The following PCDHA4 variants were observed in gnomAD, a reference collection of about 807,000 sequenced individuals.
The protein encoded by PCDHA4 is protocadherin alpha 4, also known as protocadherin alpha-4.
PCDHA4 carries 49 observed loss-of-function variants against 61.4 expected under a neutral mutation model. The observed-to-expected ratio is 0.80, with a 90% CI of 0.63 to 1.01. The LOEUF (loss-of-function observed/expected upper bound fraction) is 1.01. PCDHA4 is among the 50% of genes least tolerant of loss of function. PCDHA4 has a pLI of 0.00. For missense variants in PCDHA4, 1,254 were observed against 1,235.8 expected (o/e 1.01, Z -0.22); for synonymous variants, 590 against 550.3 (o/e 1.07, Z -1.01).
intron 1 of PCDHA4, chr5:140,822,761 T>C: frequency 6.2e-7 from 1 of 1,613,988 alleles, no homozygotes; most frequent in Non-Finnish European, 8.5e-7. Flanking sequence ...ACATTCCCAT[T>C]ATCAGGACAC....
intron 1 of PCDHA4, chr5:140,816,943 G>C (rs1258543587): frequency 1.3e-5 from 2 of 152,118 alleles, no homozygotes; most frequent in Non-Finnish European, 1.5e-5. Context: ...AGTGCCTGGA[G>C]TCAAGTGAGA....
At chr5:140,856,781 G>C in intron 1 of PCDHA4, 1 of 1,596,356 alleles carries the variant, frequency 6.3e-7, no homozygotes, top group South Asian at 1.1e-5. Context: ...TGACAGACCG[G>C]TTTATGAAGT....
intron 1 of PCDHA4, chr5:140,857,907 C>G (rs1250345336): frequency 1.3e-6 from 2 of 1,597,680 alleles, no homozygotes. Flanking sequence ...GCACGCATCC[C>G]GTTTCGCGTG....
At chr5:140,946,447 A>G (rs1206019841) in intron 1 of PCDHA4, among the ~76,000 whole-genome samples, 6 of 151,544 alleles carry the variant, frequency 4.0e-5, no homozygotes, top group Non-Finnish European at 7.4e-5. Context: ...AGACTAAAAC[A>G]ACTATCCAGC....
In PCDHA4 at chr5:140,848,468, C is replaced by G. The variant is rs983897735; in HGVS notation, c.2385+38896C>G. 7.1e-6 allele frequency: 11 copies of G among 1,547,824 alleles called. 2 individuals are homozygous for G. Among genetic ancestry groups the G allele is most frequent in the Non-Finnish European group, 9.6e-6 (11 of 1,140,172 alleles). On this transcript the variant is annotated intron_variant, in intron 1 of 3. Transcript: ENST00000530339. The stretch of plus-strand genomic sequence containing the variant: ...TCTTCTAATTTGGAGGCAATTTTCA[C>G]TAATTAGAAGAAGACTGAGTATTTG...
intron 1 of PCDHA4, among the ~76,000 whole-genome samples, chr5:140,820,804 T>A (rs1374149059): frequency 6.6e-6 from 1 of 152,102 alleles, no homozygotes; most frequent in Non-Finnish European, 1.5e-5. Flanking sequence ...GTATGTATTT[T>A]ACAATTTTTA....
rs782403008 is a variant in PCDHA4 at position 140,877,235 on chromosome 5, G to A, written c.2385+67663G>A. ...TTGGTACCGCGGTCGGTGGGTGCGGGCCACGTGGTGGCGAAAGTGCGCGCG... is the reference window on the plus strand; with the variant it reads ...TTGGTACCGCGGTCGGTGGGTGCGGACCACGTGGTGGCGAAAGTGCGCGCG... On this transcript the variant is annotated intron_variant, in intron 1 of 3. Transcript: ENST00000530339. 49 of 1,613,570 alleles carry A rather than the reference G, an allele frequency of 3.0e-5. No homozygotes were observed. In the South Asian group the frequency reaches 5.1e-4, roughly 17 times the overall value.
At position 140,850,250 on chromosome 5, in the gene PCDHA4, G is replaced by C; in HGVS notation, c.2385+40678G>C. Reference sequence around the variant, plus strand: ...TGAGCGAGATGGTGCTGCGGTCGGTGGGCGCCGGCGTAGTGGTGGGGAAGG... The same window carrying C: ...TGAGCGAGATGGTGCTGCGGTCGGTCGGCGCCGGCGTAGTGGTGGGGAAGG... On this transcript the variant is annotated intron_variant, in intron 1 of 3. Transcript: ENST00000530339. The C allele has an allele frequency of 1.9e-6, 3 of 1,594,024 alleles. 1 individual carries two copies. Among genetic ancestry groups the C allele is most frequent in the Non-Finnish European group, 2.6e-6 (3 of 1,167,182 alleles).
At chr5:140,837,965 A>G (rs1208755583) in intron 1 of PCDHA4, among the ~76,000 whole-genome samples, 1 of 151,758 alleles carries the variant, frequency 6.6e-6, no homozygotes, top group Non-Finnish European at 1.5e-5. Flanking sequence ...AGACACGAAC[A>G]ACCACACCCA....
chr5:140,962,237 C>G (rs982591816), intron 1 of PCDHA4, among the ~76,000 whole-genome samples: 5 of 152,108 alleles, frequency 3.3e-5, no homozygotes, highest in Non-Finnish European at 5.9e-5. Context: ...TTCACTTAAC[C>G]ATTTTCTTCA....
At chr5:140,828,431 C>A in intron 1 of PCDHA4, 1 of 1,614,244 alleles carries the variant, frequency 6.2e-7, no homozygotes, top group Non-Finnish European at 8.5e-7. Context: ...GGACAGGCCG[C>A]TGCAGGTTTT....
Position 140,856,765 on chromosome 5 carries a change from T to C in PCDHA4, c.2385+47193T>C, listed in dbSNP as rs1554149084. On this transcript the variant is annotated intron_variant, in intron 1 of 3. Transcript: ENST00000530339. ...TGTTAGATGCCAATGATAACGCCCCTATCTTTGACAGACCGGTTTATGAAG... is the reference window on the plus strand; with the variant it reads ...TGTTAGATGCCAATGATAACGCCCCCATCTTTGACAGACCGGTTTATGAAG... The C allele has an allele frequency of 2.5e-6, 4 of 1,596,946 alleles. No homozygotes were observed. In the South Asian group the frequency reaches 4.4e-5, roughly 18 times the overall value.
chr5:140,877,081 G>T (rs201590988), intron 1 of PCDHA4: 2 of 1,613,120 alleles, frequency 1.2e-6, no homozygotes, highest in Non-Finnish European at 1.7e-6. Flanking sequence ...CCAGGTGAGC[G>T]CGCGCGACGC....
intron 1 of PCDHA4, among the ~76,000 whole-genome samples, chr5:140,916,237 A>G (rs1004473327): frequency 6.6e-6 from 1 of 152,182 alleles, no homozygotes; most frequent in African/African-American, 2.4e-5. Context: ...CCAGGAGCCA[A>G]AGCCTGGACT....
chr5:140,915,887 TC>T (rs1276492784), intron 1 of PCDHA4, among the ~76,000 whole-genome samples: 1 of 152,078 alleles, frequency 6.6e-6, no homozygotes, highest in African/African-American at 2.4e-5. Context: ...GGTAGCAAGT[TC>T]CCCCTGGCCC....
In PCDHA4 at chr5:140,850,134, A is replaced by C. The variant is rs2150469280; in HGVS notation, c.2385+40562A>C. 12 of 1,595,730 alleles carry C rather than the reference A, an allele frequency of 7.5e-6. 1 individual carries two copies. The highest frequency in any genetic ancestry group is 1.0e-5 in the Non-Finnish European group (12 of 1,167,876). On this transcript the variant is annotated intron_variant, in intron 1 of 3. Transcript: ENST00000530339. ...CGACGCGGGCGTGCCGCCTCTGGGC[A>C]GCAACGTGACGCTGCAGGTGTTCGT...
intron 1 of PCDHA4, chr5:140,829,960 C>T: frequency 1.2e-6 from 2 of 1,613,984 alleles, no homozygotes; most frequent in South Asian, 1.1e-5. Flanking sequence ...TCCCGTTTCG[C>T]GTGGGGCTGT....
At chr5:140,926,692 C>T in intron 1 of PCDHA4, 1 of 737,896 alleles carries the variant, frequency 1.4e-6, no homozygotes, top group Non-Finnish European at 2.0e-6. Context: ...CCTAGCAAGC[C>T]CGGCTCCCAG....
At chr5:140,929,386 GAA>G in intron 1 of PCDHA4, 1 of 1,511,328 alleles carries the variant, frequency 6.6e-7, no homozygotes, top group Non-Finnish European at 8.9e-7. Context: ...GCTGTGTTTT[GAA>G]ATATTTCTTA....
Sources: allele counts gnomAD v4.1 joint callset (sites outside exome capture counted in the v4.1 genomes callset), GRCh38; gene constraint gnomAD v4.1.1; transcripts MANE v1.5; gene names NCBI Gene and HGNC (gene_info 2026-07-23, HGNC 2026-07-21).